Variants in CRY1 observed in about 807,000 individuals in gnomAD.
CRY1 encodes cryptochrome-1.
CRY1 carries 45 observed loss-of-function variants against 76.0 expected under a neutral mutation model. That is an observed-to-expected ratio of 0.59 (90% confidence interval 0.47 to 0.76). The LOEUF (loss-of-function observed/expected upper bound fraction) is 0.76, where lower values mean the gene tolerates loss of function less well. Among genes scored for constraint, CRY1 ranks in the 30% least tolerant of loss-of-function variants. The pLI, the probability that CRY1 is intolerant of heterozygous loss-of-function variation, is 0.00. For missense variants in CRY1, 587 were observed against 716.4 expected, an observed-to-expected ratio of 0.82 and a Z score of 2.06; for synonymous variants, 248 against 244.0, an observed-to-expected ratio of 1.02 and a Z score of -0.15.
chr12:107,043,279 A>C (rs1304047455), intron 1 of CRY1: 1 of 152,150 alleles, frequency 6.6e-6, no homozygotes, highest in Non-Finnish European at 1.5e-5. Flanking sequence ...TACCTTGGCC[A>C]CTCTGAGCAG....
At chr12:107,004,757 C>T (rs984862404) in intron 3 of CRY1, among the ~76,000 whole-genome samples, 17 of 152,002 alleles carry the variant, frequency 1.1e-4, no homozygotes, top group African/African-American at 3.6e-4. Context: ...CTATATATAA[C>T]TATAAAATTG....
chr12:107,018,069 T>C (rs752801369), intron 2 of CRY1, among the ~76,000 whole-genome samples: 2 of 152,214 alleles, frequency 1.3e-5, no homozygotes, highest in Non-Finnish European at 1.5e-5. Flanking sequence ...GCCTTGTATA[T>C]AGCAGGCACT....
At chr12:107,012,322 C>T (rs1243572333) in intron 2 of CRY1, among the ~76,000 whole-genome samples, 1 of 152,208 alleles carries the variant, frequency 6.6e-6, no homozygotes, top group African/African-American at 2.4e-5. Flanking sequence ...TCTAAAACTC[C>T]TAGGTCCCTT....
intron 1 of CRY1, among the ~76,000 whole-genome samples, chr12:107,022,589 G>A (rs555214356): frequency 4.0e-5 from 6 of 151,560 alleles, no homozygotes; most frequent in Non-Finnish European, 8.8e-5. Context: ...ATCTTCTGCT[G>A]GGGGGAAAAA....
intron 1 of CRY1, among the ~76,000 whole-genome samples, chr12:107,026,018 C>A (rs575589892): frequency 4.2e-4 from 62 of 147,834 alleles, no homozygotes; most frequent in African/African-American, 1.5e-3. Context: ...GTCACTTCTA[C>A]ATCTTCTGAA....
rs1055692109 is a variant in CRY1, at chr12:107,005,258, G to A, written c.268-10C>T. The stretch of plus-strand genomic sequence containing the variant: ...TAGTAATGTTCCATTCCTAAAGTAA[G>A]AGAAAGGGGAACAATGTACACCAAT... On this transcript the variant is annotated splice_polypyrimidine_tract_variant and intron_variant, in intron 2 of 12. Transcript: ENST00000008527. 4.4e-6 allele frequency: 7 copies of A among 1,604,218 alleles called. No homozygotes were observed. The highest frequency in any genetic ancestry group is 1.7e-5 in the Admixed American group (1 of 58,772).
At chr12:107,076,617 A>AG in intron 1 of CRY1, among the ~76,000 whole-genome samples, 1 of 135,246 alleles carries the variant, frequency 7.4e-6, no homozygotes, top group Non-Finnish European at 1.5e-5. Context: ...CCTGCCTCAA[A>AG]GAAAAAAAAA....
intron 1 of CRY1, among the ~76,000 whole-genome samples, chr12:107,063,267 GCA>G (rs1491448617): frequency 4.6e-5 from 7 of 152,166 alleles, no homozygotes; most frequent in African/African-American, 1.7e-4. Context: ...TTCAAAAATG[GCA>G]CTAAGTTTCT....
chr12:107,080,451 G>A (rs1259562439), intron 1 of CRY1, among the ~76,000 whole-genome samples: 1 of 152,046 alleles, frequency 6.6e-6, no homozygotes. Flanking sequence ...CGGACTTTAT[G>A]AGAGGAGATA....
intron 1 of CRY1, among the ~76,000 whole-genome samples, chr12:107,033,542 G>A (rs1406130980): frequency 6.6e-6 from 1 of 152,072 alleles, no homozygotes; most frequent in Non-Finnish European, 1.5e-5. Context: ...TATATATCAT[G>A]ATCAAGTTGG....
intron 1 of CRY1, among the ~76,000 whole-genome samples, chr12:107,069,527 TATATATATATTATATATATAAA>T: frequency 1.4e-5 from 2 of 144,060 alleles, no homozygotes; most frequent in South Asian, 4.2e-4. Context: ...CATTGTTTGT[TATATATATATTATATATATAAA>T]GTATATATAT....
chr12:107,012,405 A>G (rs1952455251), intron 2 of CRY1, among the ~76,000 whole-genome samples: 1 of 152,248 alleles, frequency 6.6e-6, no homozygotes. Context: ...ACATGTGTTT[A>G]CAACATGGTT....
At chr12:107,068,214 T>A (rs1377411960) in intron 1 of CRY1, among the ~76,000 whole-genome samples, 1 of 152,198 alleles carries the variant, frequency 6.6e-6, no homozygotes, top group Non-Finnish European at 1.5e-5. Context: ...GCCCTTTACA[T>A]TAAAAGTTTG....
intron 5 of CRY1, among the ~76,000 whole-genome samples, chr12:107,000,546 C>T (rs1272104557): frequency 1.3e-5 from 2 of 152,112 alleles, no homozygotes; most frequent in African/African-American, 2.4e-5. Flanking sequence ...GATGGGATTT[C>T]ACCATGTTGG....
intron 7 of CRY1, among the ~76,000 whole-genome samples, chr12:106,999,083 G>A (rs924624438): frequency 1.3e-5 from 2 of 149,760 alleles, no homozygotes; most frequent in African/African-American, 2.5e-5. Flanking sequence ...GTCTTATTAC[G>A]TGTAATCCAC....
At chr12:107,036,384 C>T (rs1952733659) in intron 1 of CRY1, among the ~76,000 whole-genome samples, 1 of 152,200 alleles carries the variant, frequency 6.6e-6, no homozygotes, top group Admixed American at 6.5e-5. Flanking sequence ...CTTCTGACTG[C>T]CTTTACCTCT....
At chr12:107,023,134 G>A (rs1237137666) in intron 1 of CRY1, among the ~76,000 whole-genome samples, 2 of 152,012 alleles carry the variant, frequency 1.3e-5, no homozygotes, top group Non-Finnish European at 2.9e-5. Flanking sequence ...TTCCTATTTT[G>A]CTTCTTTTAT....
At chr12:107,048,224 G>T (rs1952872415) in intron 1 of CRY1, among the ~76,000 whole-genome samples, 1 of 151,998 alleles carries the variant, frequency 6.6e-6, no homozygotes, top group South Asian at 2.1e-4. Context: ...GGGATTACAG[G>T]CACCTGCCAC....
chr12:107,026,259 T>C (rs532119698), intron 1 of CRY1, among the ~76,000 whole-genome samples: 128 of 142,716 alleles, frequency 9.0e-4, no homozygotes, highest in Non-Finnish European at 1.6e-3. Context: ...TGAGACACAG[T>C]CTTGTTCTGT....
Sources: allele counts gnomAD v4.1 joint callset (sites outside exome capture counted in the v4.1 genomes callset), GRCh38; gene constraint gnomAD v4.1.1; transcripts MANE v1.5; gene names NCBI Gene and HGNC (gene_info 2026-07-23, HGNC 2026-07-21).